WDR97: variants seen among roughly 807,000 people sequenced by gnomAD.
WDR97 encodes the protein WD repeat domain 97.
WDR97 carries 111 observed loss-of-function variants against 65.4 expected under a neutral mutation model. That is an observed-to-expected ratio of 1.70 (90% CI 1.45 to 1.99). WDR97 has a LOEUF of 1.99. WDR97 is among the 30% of genes most tolerant of loss of function. The probability of loss-of-function intolerance (pLI) is 0.00; values close to 1 mark genes in which losing one functional copy is unlikely to be tolerated. For missense variants in WDR97, 1,674 were observed against 865.0 expected (o/e 1.94, Z -11.73); for synonymous variants, 802 against 397.7 (o/e 2.02, Z -12.10).
chr8:144,113,901 C>T lies in WDR97; in HGVS notation c.3408+20C>T, dbSNP rs965528938. 1.5e-6 allele frequency: 1 copy of T among 685,726 alleles called. No individual in the cohort carries two copies. The highest frequency in any genetic ancestry group is 1.8e-5 in the African/African-American group (1 of 56,890). 42.5% of individuals were successfully genotyped at this position (685,726 alleles called of 1,614,324 possible). On this transcript the variant is annotated intron_variant, in intron 17 of 23. Coordinates refer to ENST00000323662, the MANE Select transcript of WDR97 (RefSeq NM_001316309.2). ...GATCAGGTAGAGGCTCAGGCAGAGG[C>T]CCCAGGCCACCACGGGAGGTGGGCT...
chr8:144,107,799 T>C lies in WDR97; in HGVS notation c.49T>C (p.Ser17Pro). 1 of 702,840 alleles carries C rather than the reference T, an allele frequency of 1.4e-6. No homozygotes were observed. Among genetic ancestry groups the C allele is most frequent in the Non-Finnish European group, 2.6e-6 (1 of 384,988 alleles). The allele number at this position is 702,840 out of a possible 1,614,324, so 43.5% of individuals were successfully genotyped here. Residue 17 changes from serine to proline, a missense_variant, in exon 1 of 24, where the codon TCG (serine) becomes CCG (proline). Ser to Pro is a moderately conservative substitution (Grantham distance 74). Transcript: ENST00000323662. Reference sequence around the variant, plus strand: ...AGAAGGCTACAACCTAGTTCTGGACTCGGACCTGTATGATGCGGATGGCTA... The same window carrying C: ...AGAAGGCTACAACCTAGTTCTGGACCCGGACCTGTATGATGCGGATGGCTA... ...EAEGYNLVLD[S>P]DLYDADGYDV... is the part of the protein sequence containing the mutation.
Position 144,116,184 on chromosome 8 carries a change from TC to T in WDR97, c.4765del (p.Leu1589TrpfsTer87). 1 of 699,980 alleles carries T rather than the reference TC, an allele frequency of 1.4e-6. No homozygotes were observed. The allele number at this position is 699,980 out of a possible 1,614,324, so 43.4% of individuals were successfully genotyped here. A position where few individuals can be genotyped will look rare whatever the true frequency, so the allele number is the denominator to read the frequency against. ...TTGCCGCGTGTGGAGCCGCAGCCTTTCCCCCTGGACTGGCCTATGCCCCCGC... is the reference window on the plus strand; with the variant it reads ...TTGCCGCGTGTGGAGCCGCAGCCTTTCCCCTGGACTGGCCTATGCCCCCGC... The part of the protein sequence containing the change: ...LPLPRVEPQP[F>X]PLDWPMPPRP... On this transcript the variant is annotated frameshift_variant, in exon 24 of 24. Coordinates refer to ENST00000323662, the MANE Select transcript of WDR97 (RefSeq NM_001316309.2). LOFTEE classifies it low-confidence loss of function (END_TRUNC).
At position 144,114,311 on chromosome 8, in the gene WDR97, G is replaced by A; in HGVS notation, c.3628G>A (p.Ala1210Thr). ...YPEAGTIEGL[A>T]SLLVALLEKT... Reference sequence around the variant, plus strand: ...GGAGGCGGGCACGATCGAGGGCCTGGCCTCGCTGTTGGTGGCCCTGCTGGA... The same window carrying A: ...GGAGGCGGGCACGATCGAGGGCCTGACCTCGCTGTTGGTGGCCCTGCTGGA... The change falls in exon 19 of 24, where the codon GCC becomes ACC. Residue 1210 changes from alanine (A) to threonine (T), a missense_variant. By Grantham distance (58) the Ala-to-Thr change is moderately conservative (BLOSUM62 0). Coordinates refer to ENST00000323662, the MANE Select transcript of WDR97 (RefSeq NM_001316309.2). 1 of 702,580 alleles carries A rather than the reference G, an allele frequency of 1.4e-6. No individual in the cohort carries two copies. Among genetic ancestry groups the A allele is most frequent in the Non-Finnish European group, 2.6e-6 (1 of 384,832 alleles). 43.5% of individuals were successfully genotyped at this position (702,580 alleles called of 1,614,324 possible).
chr8:144,114,187 AG>A (rs1836604846), intron 18 of WDR97, 25 bp downstream of exon 18: 1 of 700,828 alleles, frequency 1.4e-6, no homozygotes, highest in African/African-American at 1.7e-5. Context: ...GGGATGCATG[AG>A]AAGCATGGGT....
In WDR97 at chr8:144,116,215, G is replaced by T. The variant is rs1013028171; in HGVS notation, c.4791G>T (p.Pro1597=). 1.5e-6 allele frequency: 1 copy of T among 684,824 alleles called. No homozygotes were observed. The highest frequency in any genetic ancestry group is 2.1e-5 in the Admixed American group (1 of 46,884). The allele number at this position is 684,824 out of a possible 1,614,324, so 42.4% of individuals were successfully genotyped here. ...TGGACTGGCCTATGCCCCCGCGCCC[G>T]CTGCCCCCGCGGCTCCTGCAGCCGG... The part of the protein sequence containing the change: ...FPLDWPMPPR[P]LPPRLLQPAL... Residue 1597 remains proline, a synonymous_variant, in exon 24 of 24, where the codon CCG becomes CCT. Coordinates refer to ENST00000323662, the MANE Select transcript of WDR97 (RefSeq NM_001316309.2).
In WDR97 at chr8:144,115,450, T is replaced by A. The variant is rs59976468; in HGVS notation, c.4187T>A (p.Val1396Asp). The change falls in exon 22 of 24, where the codon GTC (valine) becomes GAC (aspartate). Residue 1396 changes from valine (V) to aspartate (D), a missense_variant. Coordinates refer to ENST00000323662, the MANE Select transcript of WDR97 (RefSeq NM_001316309.2). ...GGCATCTTCGGGAGGCTCTCGCAGG[T>A]CTCAGAGGTGCCTTTGATGGTGGTC... is the stretch of plus-strand genomic sequence containing the variant. ...ASGIFGRLSQ[V>D]SEVPLMVVSP... 53,784 of 693,294 alleles carry A rather than the reference T, an allele frequency of 0.078. 2,724 individuals carry two copies. The highest frequency in any genetic ancestry group is 0.19 in the African/African-American group (11,089 of 57,034). 42.9% of individuals were successfully genotyped at this position (693,294 alleles called of 1,614,324 possible). A position where few individuals can be genotyped will look rare whatever the true frequency, so the allele number is the denominator to read the frequency against.
rs1351847916 is a variant in WDR97 at position 144,108,674 on chromosome 8, T to A, written c.608T>A (p.Leu203Gln). 1.4e-6 allele frequency: 1 copy of A among 700,724 alleles called. No homozygotes were observed. Among genetic ancestry groups the A allele is most frequent in the East Asian group, 2.7e-5 (1 of 37,262 alleles). The allele number at this position is 700,724 out of a possible 1,614,324, so 43.4% of individuals were successfully genotyped here. A position where few individuals can be genotyped will look rare whatever the true frequency, so the allele number is the denominator to read the frequency against. The change falls in exon 3 of 24, where the codon CTG becomes CAG. Residue 203 changes from leucine (L) to glutamine (Q), a missense_variant. Coordinates refer to ENST00000323662, the MANE Select transcript of WDR97 (RefSeq NM_001316309.2). The part of the protein sequence containing the change: ...RAPGWAPTCC[L>Q]PVPDLRLLLV... ...CCGGGTTGGGCGCCCACCTGCTGCC[T>A]GCCGGTTCCCGACCTCAGGCTGCTG...
chr8:144,114,384 G>C lies in WDR97; in HGVS notation c.3701G>C (p.Arg1234Thr). The C allele has an allele frequency of 1.4e-6, 1 of 702,822 alleles. No individual in the cohort carries two copies. The highest frequency in any genetic ancestry group is 2.7e-5 in the East Asian group (1 of 37,286). 43.5% of individuals were successfully genotyped at this position (702,822 alleles called of 1,614,324 possible). A position where few individuals can be genotyped will look rare whatever the true frequency, so the allele number is the denominator to read the frequency against. ...DRVHILQVLL[R>T]LLPNMSSDLQ... is the part of the protein sequence containing the mutation. ...GTGCACATCCTGCAGGTGCTACTGA[G>C]ACTGCTGCCCAACATGAGCAGTGAT... is the stretch of plus-strand genomic sequence containing the variant. Residue 1234 changes from arginine (R) to threonine (T), a missense_variant, in exon 19 of 24, where the codon AGA becomes ACA. Transcript: ENST00000323662.
At chr8:144,114,245 A>G in intron 18 of WDR97, 33 bp from the exon 19 acceptor site, 1 of 694,542 alleles carries the variant, frequency 1.4e-6, no homozygotes, top group Admixed American at 2.0e-5. Context: ...TGGGTGTGAC[A>G]TGGGAGCAGG....
At position 144,114,495 on chromosome 8, in the gene WDR97, C is replaced by T. The variant is rs1343100233; in HGVS notation, c.3792+20C>T. The stretch of plus-strand genomic sequence containing the variant: ...CTCCAGGTGTGCCCCTTGTCCTGCC[C>T]CCAGTTTTCCTCCCCGCCCACCGGC... On this transcript the variant is annotated intron_variant, in intron 19 of 23. Transcript: ENST00000323662. 1 of 702,124 alleles carries T rather than the reference C, an allele frequency of 1.4e-6. No individual in the cohort carries two copies. The highest frequency in any genetic ancestry group is 2.6e-6 in the Non-Finnish European group (1 of 384,442). The allele number at this position is 702,124 out of a possible 1,614,324, so 43.5% of individuals were successfully genotyped here.
intron 12 of WDR97, 33 bp downstream of exon 12, chr8:144,111,814 A>T: frequency 1.4e-6 from 1 of 691,278 alleles, no homozygotes; most frequent in Admixed American, 2.0e-5. Context: ...CCCAGCCCTG[A>T]CCCTGGCCCC....
rs546040024 is a variant in WDR97, at chr8:144,110,870, G to A, written c.2178G>A (p.Leu726=). Residue 726 remains leucine, a synonymous_variant, in exon 9 of 24, where the codon CTG becomes CTA. Transcript: ENST00000323662. ...GCCCTGGGTGCCTCTCCAGGCTCCT[G>A]CAGCTGAATGGTGCCCCTCAGGCCC... ...WTAENRLLRL[L]QLNGAPQALA... is the part of the protein sequence containing the mutation. 13 of 702,890 alleles carry A rather than the reference G, an allele frequency of 1.8e-5. No homozygotes were observed. The South Asian group carries it at 1.9e-4, about 10-fold the overall frequency. The allele number at this position is 702,890 out of a possible 1,614,324, so 43.5% of individuals were successfully genotyped here.
intron 21 of WDR97, among the ~76,000 whole-genome samples, chr8:144,115,119 C>T (rs965589606): frequency 2.0e-5 from 3 of 149,980 alleles, no homozygotes; most frequent in African/African-American, 7.5e-5. Flanking sequence ...GAACCAGGGA[C>T]AGCCCTGGGA....
Position 144,108,160 on chromosome 8 carries a change from C to T in WDR97, c.214C>T (p.Leu72Phe), listed in dbSNP as rs773734771. ...PRARARRLWL[L>F]LRTSLHEVVE... ...CGCCCGCGCCCGCCGGCTGTGGCTG[C>T]TTCTGCGCACCAGCCTCCACGAAGT... Residue 72 changes from leucine to phenylalanine, a missense_variant, in exon 2 of 24, where the codon CTT becomes TTT. Leu to Phe is a conservative substitution (Grantham distance 22). Coordinates refer to ENST00000323662, the MANE Select transcript of WDR97 (RefSeq NM_001316309.2). 1.4e-4 allele frequency: 98 copies of T among 702,292 alleles called. No individual in the cohort carries two copies. In the African/African-American group the frequency reaches 1.5e-3, roughly 11 times the overall value. 43.5% of individuals were successfully genotyped at this position (702,292 alleles called of 1,614,324 possible). A position where few individuals can be genotyped will look rare whatever the true frequency, so the allele number is the denominator to read the frequency against.
intron 16 of WDR97, 31 bp downstream of exon 16, chr8:144,113,548 G>C: frequency 2.9e-6 from 2 of 688,056 alleles, no homozygotes; most frequent in Non-Finnish European, 5.4e-6. Flanking sequence ...GACTCAGCTC[G>C]CCTCCCAGAG....
chr8:144,116,447 C>A lies in WDR97; in HGVS notation c.*154C>A. 9.8e-6 allele frequency: 5 copies of A among 508,586 alleles called. No homozygotes were observed. The highest frequency in any genetic ancestry group is 1.7e-5 in the Non-Finnish European group (5 of 289,800). The allele number at this position is 508,586 out of a possible 1,614,324, so 31.5% of individuals were successfully genotyped here. A position where few individuals can be genotyped will look rare whatever the true frequency, so the allele number is the denominator to read the frequency against. On this transcript the variant is annotated 3_prime_UTR_variant, in exon 24 of 24. Coordinates refer to ENST00000323662, the MANE Select transcript of WDR97 (RefSeq NM_001316309.2). ...TGCGCACGGCGTGTGGGCGTGCGGC[C>A]TGAACCCACAGTGGCGGCGGAAGGC... is the stretch of plus-strand genomic sequence containing the variant.
rs1457152994 is a variant in WDR97 at position 144,115,490 on chromosome 8, G to C, written c.4227G>C (p.Pro1409=). ...VPLMVVSPAE[P]HSLAPELQAQ... ...TGATGGTGGTCTCACCTGCGGAGCC[G>C]CACTCTTTAGCCCCGGAGCTCCAGG... is the stretch of plus-strand genomic sequence containing the variant. Residue 1409 remains proline, a synonymous_variant, in exon 22 of 24, where the codon CCG becomes CCC. Transcript: ENST00000323662. 5.8e-6 allele frequency: 4 copies of C among 695,220 alleles called. No individual in the cohort carries two copies. Among genetic ancestry groups the C allele is most frequent in the African/African-American group, 1.8e-5 (1 of 57,032 alleles). The allele number at this position is 695,220 out of a possible 1,614,324, so 43.1% of individuals were successfully genotyped here.
In WDR97 at chr8:144,112,446, G is replaced by A. The variant is rs1185285749; in HGVS notation, c.3022-1G>A. The A allele has an allele frequency of 2.8e-6, 2 of 702,608 alleles. No homozygotes were observed. The highest frequency in any genetic ancestry group is 2.7e-5 in the East Asian group (1 of 37,268). 43.5% of individuals were successfully genotyped at this position (702,608 alleles called of 1,614,324 possible). A position where few individuals can be genotyped will look rare whatever the true frequency, so the allele number is the denominator to read the frequency against. ...TTCTGAGCCCCCATTCCATCCCCCAGATCCCACTGCTGCCAAAGAGATGGG... is the reference window on the plus strand; with the variant it reads ...TTCTGAGCCCCCATTCCATCCCCCAAATCCCACTGCTGCCAAAGAGATGGG... On this transcript the variant is annotated splice_acceptor_variant, in intron 14 of 23. Coordinates refer to ENST00000323662, the MANE Select transcript of WDR97 (RefSeq NM_001316309.2). LOFTEE classifies it high-confidence loss of function.
rs1257052663 is a variant in WDR97 at position 144,114,735 on chromosome 8, T to A, written c.3915-14T>A. ...TGGGAAGGCCTCTGGACAAGCCACA[T>A]GCACCTGTCCCAGGCCAGAGCTCAA... On this transcript the variant is annotated splice_polypyrimidine_tract_variant and intron_variant, in intron 20 of 23. Transcript: ENST00000323662. 3 of 702,164 alleles carry A rather than the reference T, an allele frequency of 4.3e-6. No individual in the cohort carries two copies. Among genetic ancestry groups the A allele is most frequent in the Non-Finnish European group, 7.8e-6 (3 of 384,564 alleles). 43.5% of individuals were successfully genotyped at this position (702,164 alleles called of 1,614,324 possible).
Sources: gnomAD v4.1 joint callset for allele counts (sites outside exome capture counted in the v4.1 genomes callset) on GRCh38, gnomAD v4.1.1 for gene constraint, MANE v1.5 for transcripts, NCBI Gene and HGNC (gene_info 2026-07-23, HGNC 2026-07-21) for gene names.